Variants in WDR41 observed in about 807,000 individuals in gnomAD.
WDR41 encodes WD repeat domain 41, also known as WD repeat-containing protein 41.
A neutral mutation model predicts 69.3 loss-of-function variants in WDR41; 63 were observed. The observed-to-expected ratio is 0.91, with a 90% CI of 0.74 to 1.12. WDR41 has a LOEUF of 1.12. Among genes scored for constraint, WDR41 ranks in the 50% most tolerant of loss-of-function variants. WDR41 has a pLI of 0.00. For missense variants in WDR41, 543 were observed against 534.5 expected (o/e 1.02, Z -0.16); for synonymous variants, 185 against 192.1 (o/e 0.96, Z 0.31).
chr5:77,582,333 C>A, intron 1 of WDR41: 3 of 1,557,288 alleles, frequency 1.9e-6, no homozygotes. Context: ...TTAACAAGTG[C>A]AGAGTACGCA....
At chr5:77,508,862 C>T (rs72769093) in intron 1 of WDR41, among the ~76,000 whole-genome samples, 2,760 of 152,308 alleles carry the variant, frequency 0.018, 34 homozygotes, top group Middle Eastern at 0.061. Context: ...GGGACAGTCA[C>T]CCTGGAATGA....
At chr5:77,458,073 T>C (rs1799903346) in intron 5 of WDR41, among the ~76,000 whole-genome samples, 1 of 152,086 alleles carries the variant, frequency 6.6e-6, no homozygotes, top group African/African-American at 2.4e-5. Flanking sequence ...GTTTTTCAGG[T>C]AGCAAGAATA....
At chr5:77,546,810 G>A (rs1230711675) in intron 1 of WDR41, among the ~76,000 whole-genome samples, 1 of 151,952 alleles carries the variant, frequency 6.6e-6, no homozygotes, top group East Asian at 1.9e-4. Flanking sequence ...ACCAGGAAAG[G>A]ACATAACCAA....
intron 1 of WDR41, chr5:77,620,350 T>C: frequency 2.6e-6 from 1 of 378,842 alleles, no homozygotes; most frequent in East Asian, 7.2e-5. Flanking sequence ...GTCTCTTTAG[T>C]CAAAATGTAA....
intron 1 of WDR41, among the ~76,000 whole-genome samples, chr5:77,586,269 C>T (rs1744036688): frequency 6.6e-6 from 1 of 150,686 alleles, no homozygotes; most frequent in African/African-American, 2.4e-5. Flanking sequence ...TCAATAAAAC[C>T]CTTTTATATT....
intron 1 of WDR41, among the ~76,000 whole-genome samples, chr5:77,602,154 T>C (rs900794070): frequency 6.6e-6 from 1 of 152,086 alleles, no homozygotes; most frequent in African/African-American, 2.4e-5. Context: ...CTTTTTTTTT[T>C]TTTAGATGGA....
intron 2 of WDR41, among the ~76,000 whole-genome samples, chr5:77,481,727 GTGAA>G (rs1801272522): frequency 6.7e-6 from 1 of 148,778 alleles, no homozygotes; most frequent in Middle Eastern, 3.4e-3. Flanking sequence ...GGTGGTTGGA[GTGAA>G]CCAAGGTCAC....
chr5:77,472,528 T>C (rs335648), intron 2 of WDR41, among the ~76,000 whole-genome samples: 91,985 of 151,158 alleles, frequency 0.61, 29,695 homozygotes, highest in African/African-American at 0.83. Context: ...GAAAACCCCA[T>C]TGTCTCAGCC....
In WDR41 at chr5:77,582,892, G is replaced by A; in HGVS notation, c.42+37587C>T. On this transcript the variant is annotated intron_variant, in intron 1 of 5. Transcript: ENST00000509971. Reference sequence around the variant, plus strand: ...GAAGCGAATTGCTTTGACAGATAACGCTTTGATTGCTCGATCTCTTGGTAA... The same window carrying A: ...GAAGCGAATTGCTTTGACAGATAACACTTTGATTGCTCGATCTCTTGGTAA... 13 of 1,607,546 alleles carry A rather than the reference G, an allele frequency of 8.1e-6. 1 individual carries two copies. Among genetic ancestry groups the A allele is most frequent in the South Asian group, 3.3e-5 (3 of 91,062 alleles).
chr5:77,567,645 T>A (rs1743657519), intron 1 of WDR41, among the ~76,000 whole-genome samples: 1 of 133,846 alleles, frequency 7.5e-6, no homozygotes. Context: ...CACAATACAA[T>A]TACCCTAAAC....
intron 2 of WDR41, among the ~76,000 whole-genome samples, chr5:77,474,363 C>G (rs1162284506): frequency 6.6e-6 from 1 of 152,036 alleles, no homozygotes; most frequent in Non-Finnish European, 1.5e-5. Context: ...GTGCAGCACA[C>G]CAACATGGCA....
chr5:77,437,275 C>T (rs1298284364), intron 11 of WDR41, 61 bp downstream of exon 11: 1 of 1,374,840 alleles, frequency 7.3e-7, no homozygotes, highest in African/African-American at 1.4e-5. Context: ...TGTCCTTCTC[C>T]TGCCTTTCAC....
At chr5:77,617,219 G>A (rs1314737422) in intron 1 of WDR41, among the ~76,000 whole-genome samples, 1 of 152,240 alleles carries the variant, frequency 6.6e-6, no homozygotes, top group East Asian at 1.9e-4. Flanking sequence ...CTGAGGAAGA[G>A]AACTATTGAT....
intron 1 of WDR41, among the ~76,000 whole-genome samples, chr5:77,527,980 A>G (rs1802474391): frequency 6.6e-6 from 1 of 151,850 alleles, no homozygotes. Context: ...AAAACTAAAA[A>G]TTAATGAGGT....
intron 2 of WDR41, among the ~76,000 whole-genome samples, chr5:77,487,062 A>C (rs1157705449): frequency 6.6e-6 from 1 of 152,234 alleles, no homozygotes; most frequent in Non-Finnish European, 1.5e-5. Flanking sequence ...TCTTCTACAG[A>C]GTCCTCTTCT....
At chr5:77,489,083 G>GT (rs1801649935) in intron 2 of WDR41, among the ~76,000 whole-genome samples, 4 of 152,164 alleles carry the variant, frequency 2.6e-5, no homozygotes, top group African/African-American at 7.2e-5. Flanking sequence ...AACATTCCTG[G>GT]TAGGTACCTG....
chr5:77,481,448 G>A (rs1801255679), intron 2 of WDR41, among the ~76,000 whole-genome samples: 1 of 152,138 alleles, frequency 6.6e-6, no homozygotes, highest in Non-Finnish European at 1.5e-5. Context: ...TAGTCTACTT[G>A]ACTCAGGGTG....
chr5:77,608,988 CA>C (rs1316790158), intron 1 of WDR41, among the ~76,000 whole-genome samples: 1 of 152,248 alleles, frequency 6.6e-6, no homozygotes, highest in Non-Finnish European at 1.5e-5. Context: ...AAAAACGGCG[CA>C]CCGGGAGATT....
chr5:77,436,767 G>C (rs866847553), intron 11 of WDR41, among the ~76,000 whole-genome samples: 2 of 152,270 alleles, frequency 1.3e-5, no homozygotes, highest in Middle Eastern at 3.4e-3. Flanking sequence ...ATGTGCAAAA[G>C]CAACACCCCA....
Sources: allele counts gnomAD v4.1 joint callset (sites outside exome capture counted in the v4.1 genomes callset), GRCh38; gene constraint gnomAD v4.1.1; transcripts MANE v1.5; gene names NCBI Gene and HGNC (gene_info 2026-07-23, HGNC 2026-07-21).